The following OR9Q1 variants were observed in gnomAD, a reference collection of about 807,000 sequenced individuals.
The protein encoded by OR9Q1 is olfactory receptor 9Q1.
For synonymous variants in OR9Q1, 153 were observed against 148.6 expected, an observed-to-expected ratio of 1.03 and a Z score of -0.22; for missense variants, 374 against 378.8, an observed-to-expected ratio of 0.99 and a Z score of 0.11.
In OR9Q1 at chr11:58,155,757, G is replaced by A. The variant is rs551734036; in HGVS notation, c.-14-23674G>A. Among the ~76,000 whole-genome samples the A allele has an allele frequency of 2.1e-4, 32 of 152,304 alleles. 1 individual carries two copies. Among genetic ancestry groups the A allele is most frequent in the African/African-American group, 7.5e-4 (31 of 41,578 alleles). On this transcript the variant is annotated intron_variant, in intron 2 of 2. Coordinates refer to ENST00000335397, the MANE Select transcript of OR9Q1 (RefSeq NM_001005212.4). Reference sequence around the variant, plus strand: ...ATAACTTCACCTGCTTTCCAAGGATGTTGGGAGGTGACAGAATATCAGCTC... The same window carrying A: ...ATAACTTCACCTGCTTTCCAAGGATATTGGGAGGTGACAGAATATCAGCTC...
intron 2 of OR9Q1, among the ~76,000 whole-genome samples, chr11:58,134,545 T>G (rs2075344571): frequency 6.6e-6 from 1 of 152,144 alleles, no homozygotes; most frequent in Non-Finnish European, 1.5e-5. Flanking sequence ...TAGTTAGTCT[T>G]GAGAGCAGAT....
intron 2 of OR9Q1, among the ~76,000 whole-genome samples, chr11:58,103,133 G>A (rs1227085070): frequency 6.6e-6 from 1 of 151,956 alleles, no homozygotes; most frequent in African/African-American, 2.4e-5. Context: ...CAGTTCCACA[G>A]GGCTGGGGAG....
At chr11:58,050,414 G>T (rs1853262920) in intron 1 of OR9Q1, among the ~76,000 whole-genome samples, 1 of 137,422 alleles carries the variant, frequency 7.3e-6, no homozygotes, top group African/African-American at 2.7e-5. Context: ...GCTGAAACTG[G>T]ATCCCTTCCT....
chr11:58,162,962 AG>A (rs571682392), intron 2 of OR9Q1, among the ~76,000 whole-genome samples: 15 of 152,298 alleles, frequency 9.8e-5, no homozygotes, highest in Admixed American at 2.6e-4. Context: ...TTCTCTAGTA[AG>A]AAAGATGGGG....
chr11:58,095,933 C>T (rs1350444417), intron 2 of OR9Q1, among the ~76,000 whole-genome samples: 10 of 152,132 alleles, frequency 6.6e-5, no homozygotes, highest in Admixed American at 6.5e-5. Flanking sequence ...TCACACCATA[C>T]TAGGTCTCAG....
At chr11:58,112,139 A>C (rs1853907623) in intron 2 of OR9Q1, among the ~76,000 whole-genome samples, 1 of 152,018 alleles carries the variant, frequency 6.6e-6, no homozygotes, top group South Asian at 2.1e-4. Context: ...AACACACACA[A>C]AAAATTAGCC....
chr11:58,119,385 G>T (rs746701323), intron 2 of OR9Q1: 2 of 1,613,910 alleles, frequency 1.2e-6, no homozygotes, highest in Admixed American at 3.3e-5. Context: ...CCAATTTGGG[G>T]TGGTCCATAA....
At chr11:58,062,931 A>G (rs1485853331) in intron 2 of OR9Q1, among the ~76,000 whole-genome samples, 1 of 152,164 alleles carries the variant, frequency 6.6e-6, no homozygotes, top group Non-Finnish European at 1.5e-5. Flanking sequence ...TTTGAGAGCC[A>G]TGTGGGTGCC....
chr11:58,091,911 T>C (rs1185998067), intron 2 of OR9Q1, among the ~76,000 whole-genome samples: 1 of 152,210 alleles, frequency 6.6e-6, no homozygotes, highest in Admixed American at 6.5e-5. Flanking sequence ...TCTTTGTCTT[T>C]TTTGATCTTT....
At chr11:58,103,440 G>GT (rs1853809722) in intron 2 of OR9Q1, among the ~76,000 whole-genome samples, 1 of 151,952 alleles carries the variant, frequency 6.6e-6, no homozygotes, top group South Asian at 2.1e-4. Flanking sequence ...CTTTTTCATT[G>GT]TTTTTTATGA....
intron 2 of OR9Q1, among the ~76,000 whole-genome samples, chr11:58,098,478 T>C (rs907920508): frequency 6.6e-6 from 1 of 152,092 alleles, no homozygotes; most frequent in Non-Finnish European, 1.5e-5. Flanking sequence ...CTTTTACTAA[T>C]CTTTTCAAGG....
At chr11:58,033,419 A>C (rs1338461484) in intron 1 of OR9Q1, among the ~76,000 whole-genome samples, 1 of 152,244 alleles carries the variant, frequency 6.6e-6, no homozygotes, top group Non-Finnish European at 1.5e-5. Context: ...AATACTATGC[A>C]GACATGAAAA....
intron 2 of OR9Q1, among the ~76,000 whole-genome samples, chr11:58,123,305 T>C (rs566008933): frequency 2.0e-5 from 3 of 152,342 alleles, no homozygotes; most frequent in African/African-American, 7.2e-5. Flanking sequence ...CAGAGCTTTT[T>C]TACCTTCAAA....
chr11:58,074,387 G>T lies in OR9Q1; in HGVS notation c.-15+18440G>T, dbSNP rs562989540. ...ATGATGAGCTTGTTTTCATATGTTT[G>T]TTGGCCACATAAATATCTTCTTTTG... On this transcript the variant is annotated intron_variant, in intron 2 of 2. Transcript: ENST00000335397. Among the ~76,000 whole-genome samples the T allele has an allele frequency of 2.2e-4, 34 of 152,136 alleles. 1 individual carries two copies. In the East Asian group the frequency reaches 3.5e-3, roughly 16 times the overall value.
At chr11:58,175,936 A>G (rs1018149556) in intron 2 of OR9Q1, among the ~76,000 whole-genome samples, 3 of 152,120 alleles carry the variant, frequency 2.0e-5, no homozygotes, top group Non-Finnish European at 4.4e-5. Flanking sequence ...TGCCAATAAG[A>G]CAAACTTGCC....
chr11:58,179,904 A>C lies in OR9Q1; in HGVS notation c.460A>C (p.Ile154Leu). 1 of 1,614,174 alleles carries C rather than the reference A, an allele frequency of 6.2e-7. No individual in the cohort carries two copies. Among genetic ancestry groups the C allele is most frequent in the South Asian group, 1.1e-5 (1 of 91,080 alleles). Residue 154 changes from isoleucine to leucine, a missense_variant, in exon 3 of 3, where the codon ATC becomes CTC. Coordinates refer to ENST00000335397, the MANE Select transcript of OR9Q1 (RefSeq NM_001005212.4). ...LVAGAYVAGL[I>L]SALVRTVSAF... ...GGCTGGGGCTTACGTTGCTGGTCTC[A>C]TCAGTGCCTTGGTGCGGACAGTCTC...
intron 1 of OR9Q1, among the ~76,000 whole-genome samples, chr11:58,039,811 A>T (rs7113065): frequency 0.26 from 39,851 of 152,154 alleles, 5,763 homozygotes; most frequent in East Asian, 0.6. Context: ...CCCTTCCAGG[A>T]CATAGCTTAG....
intron 2 of OR9Q1, among the ~76,000 whole-genome samples, chr11:58,056,328 G>A (rs886533479): frequency 3.9e-5 from 6 of 152,120 alleles, no homozygotes; most frequent in African/African-American, 1.2e-4. Context: ...TCTTATGAAT[G>A]CTATTAAGAG....
intron 1 of OR9Q1, among the ~76,000 whole-genome samples, chr11:58,037,784 T>C (rs1241968162): frequency 1.5e-5 from 2 of 134,252 alleles, no homozygotes; most frequent in African/African-American, 5.6e-5. Context: ...AGTGGCGCGA[T>C]CTCGGCTCAC....
Sources: gnomAD v4.1 joint callset for allele counts (sites outside exome capture counted in the v4.1 genomes callset) on GRCh38, gnomAD v4.1.1 for gene constraint, MANE v1.5 for transcripts, NCBI Gene and HGNC (gene_info 2026-07-23, HGNC 2026-07-21) for gene names.